Variants in DPP10 observed in about 807,000 individuals in gnomAD.
DPP10 encodes inactive dipeptidyl peptidase 10.
In DPP10, 33 loss-of-function variants were observed where a neutral mutation model predicts 120.9. The observed-to-expected ratio is 0.27, with a 90% CI of 0.21 to 0.37. The LOEUF is 0.37. Ranked by LOEUF, DPP10 falls within the 10% of genes least tolerant of loss-of-function variation. The probability of loss-of-function intolerance (pLI) is 1.00; values close to 1 mark genes in which losing one functional copy is unlikely to be tolerated. For synonymous variants in DPP10, 337 were observed against 326.1 expected (o/e 1.03, Z -0.36); for missense variants, 816 against 942.8 (o/e 0.87, Z 1.76).
intron 1 of DPP10, among the ~76,000 whole-genome samples, chr2:114,929,422 C>A (rs1695896666): frequency 6.6e-6 from 1 of 152,326 alleles, no homozygotes; most frequent in East Asian, 1.9e-4. Context: ...CATCCCTTGT[C>A]TTCAACCGCA....
chr2:115,588,530 G>A (rs1030692592), intron 5 of DPP10, among the ~76,000 whole-genome samples: 2 of 152,176 alleles, frequency 1.3e-5, no homozygotes, highest in Non-Finnish European at 2.9e-5. Context: ...TCCAAAGCAG[G>A]TGAAGCTCAA....
intron 1 of DPP10, among the ~76,000 whole-genome samples, chr2:114,496,923 A>G (rs1682569724): frequency 6.6e-6 from 1 of 151,944 alleles, no homozygotes; most frequent in African/African-American, 2.4e-5. Flanking sequence ...ACAGCACAAG[A>G]ATTTTAACTA....
At chr2:115,833,523 C>T (rs575327003) in intron 21 of DPP10, among the ~76,000 whole-genome samples, 4 of 152,278 alleles carry the variant, frequency 2.6e-5, no homozygotes, top group African/African-American at 9.6e-5. Flanking sequence ...CTTTATGATA[C>T]AGGTTCAACG....
Position 115,689,911 on chromosome 2 carries a change from G to A in DPP10, c.566G>A (p.Gly189Glu), listed in dbSNP as rs200502140. The A allele has an allele frequency of 3.0e-5, 49 of 1,613,776 alleles. No homozygotes were observed. In the East Asian group the frequency reaches 6.2e-4, roughly 21 times the overall value. ...CAGTACGCGGCCTGGGGTGTCCAAG[G>A]GCAGCAGCTGGTAAGCGCAGGCATT... ...VLQYAAWGVQ[G>E]QQLIYIFENN... The change falls in exon 7 of 26, where the codon GGG becomes GAG. Residue 189 changes from glycine to glutamate, a missense_variant. By Grantham distance (98) the Gly-to-Glu change is moderately conservative. This residue lies in a region of DPP10 where 42 missense variants were observed against 86.4 expected (regional missense o/e 0.49). Transcript: ENST00000410059.
intron 1 of DPP10, among the ~76,000 whole-genome samples, chr2:114,834,217 G>GTA (rs1201823959): frequency 1.4e-5 from 2 of 138,640 alleles, no homozygotes; most frequent in South Asian, 4.7e-4. Flanking sequence ...ACACACCTAT[G>GTA]TATATATATA....
chr2:114,853,948 C>A (rs1016546851), intron 1 of DPP10, among the ~76,000 whole-genome samples: 1 of 152,200 alleles, frequency 6.6e-6, no homozygotes, highest in Non-Finnish European at 1.5e-5. Context: ...TCTACCATAA[C>A]CTTACTGGAG....
At chr2:115,659,951 GC>G (rs1052278334) in intron 5 of DPP10, among the ~76,000 whole-genome samples, 15 of 152,116 alleles carry the variant, frequency 9.9e-5, no homozygotes, top group African/African-American at 3.4e-4. Context: ...TCACAAAGAA[GC>G]CACAAATGGA....
At chr2:115,738,417 T>C (rs1032869703) in intron 8 of DPP10, among the ~76,000 whole-genome samples, 6 of 152,152 alleles carry the variant, frequency 3.9e-5, no homozygotes, top group African/African-American at 9.7e-5. Flanking sequence ...TACATCATCA[T>C]TGTTGTAGCA....
At chr2:115,410,517 A>G (rs2068867649) in intron 3 of DPP10, among the ~76,000 whole-genome samples, 1 of 152,184 alleles carries the variant, frequency 6.6e-6, no homozygotes, top group Admixed American at 6.5e-5. Context: ...CACCTAATGG[A>G]TGTTGGGCTG....
chr2:115,784,062 T>G (rs953613924), intron 17 of DPP10, among the ~76,000 whole-genome samples: 5 of 152,236 alleles, frequency 3.3e-5, no homozygotes, highest in African/African-American at 1.2e-4. Flanking sequence ...TAATAACTTC[T>G]GCTGCAAATT....
At chr2:114,782,758 A>T (rs539068742) in intron 1 of DPP10, among the ~76,000 whole-genome samples, 1 of 152,298 alleles carries the variant, frequency 6.6e-6, no homozygotes, top group African/African-American at 2.4e-5. Flanking sequence ...AAACATTAGC[A>T]TATCACAGCT....
At chr2:114,895,404 A>G (rs1692883569) in intron 1 of DPP10, among the ~76,000 whole-genome samples, 1 of 152,194 alleles carries the variant, frequency 6.6e-6, no homozygotes, top group Admixed American at 6.5e-5. Context: ...TATTGCAACT[A>G]GGTGAGTCCA....
intron 1 of DPP10, among the ~76,000 whole-genome samples, chr2:114,507,852 T>C (rs1186377019): frequency 6.6e-6 from 1 of 152,266 alleles, no homozygotes; most frequent in African/African-American, 2.4e-5. Flanking sequence ...AAAGGAATTA[T>C]ACTTTCTACC....
At chr2:114,993,578 G>GTATATATATATATATA (rs1384073454) in intron 1 of DPP10, among the ~76,000 whole-genome samples, 156 of 89,122 alleles carry the variant, frequency 1.8e-3, no homozygotes, top group African/African-American at 5.0e-3. Context: ...GTGTGTGTGT[G>GTATATATATATATATA]TGTATATATA....
intron 5 of DPP10, among the ~76,000 whole-genome samples, chr2:115,681,740 TTCTC>T (rs377165091): frequency 4.4e-4 from 66 of 149,156 alleles, no homozygotes; most frequent in African/African-American, 5.7e-4. Flanking sequence ...CTTTCTTCCT[TTCTC>T]TCTCTCTCTC....
chr2:115,517,875 G>C (rs1170419175), intron 4 of DPP10, among the ~76,000 whole-genome samples: 1 of 152,116 alleles, frequency 6.6e-6, no homozygotes, highest in Non-Finnish European at 1.5e-5. Flanking sequence ...TCTGAGGCTG[G>C]GTAATTTACG....
At chr2:115,389,221 A>G (rs1372005934) in intron 3 of DPP10, among the ~76,000 whole-genome samples, 3 of 151,992 alleles carry the variant, frequency 2.0e-5, no homozygotes, top group East Asian at 3.9e-4. Flanking sequence ...CAGCTGCAAC[A>G]TTCCCTCTGC....
intron 5 of DPP10, among the ~76,000 whole-genome samples, chr2:115,578,741 G>A (rs2081838398): frequency 6.6e-6 from 1 of 152,162 alleles, no homozygotes. Context: ...AAGGATTTGG[G>A]GATTTTGCAG....
At chr2:115,413,300 C>T (rs546903778) in intron 3 of DPP10, among the ~76,000 whole-genome samples, 3 of 152,010 alleles carry the variant, frequency 2.0e-5, no homozygotes, top group Non-Finnish European at 2.9e-5. Flanking sequence ...GGTGTTGAAA[C>T]GTAAAGCATG....
Sources: allele counts gnomAD v4.1 joint callset (sites outside exome capture counted in the v4.1 genomes callset), GRCh38; gene constraint gnomAD v4.1.1; regional missense constraint gnomAD v4.1.1; transcripts MANE v1.5; gene names NCBI Gene and HGNC (gene_info 2026-07-23, HGNC 2026-07-21).